Variants in FNDC3A observed in about 807,000 individuals in gnomAD.
The protein encoded by FNDC3A is fibronectin type-III domain-containing protein 3A.
Under a neutral mutation model 148.9 loss-of-function variants are expected in FNDC3A, and 32 were observed. That is an observed-to-expected ratio of 0.21 (90% CI 0.16 to 0.29). FNDC3A has a LOEUF of 0.29. FNDC3A is among the 10% of genes least tolerant of loss of function. FNDC3A has a pLI of 1.00. For missense variants in FNDC3A, 1,191 were observed against 1,452.8 expected (o/e 0.82, Z 2.93); for synonymous variants, 472 against 473.6 (o/e 1.00, Z 0.04).
At chr13:49,091,989 G>A (rs950813743) in intron 3 of FNDC3A, among the ~76,000 whole-genome samples, 1 of 152,236 alleles carries the variant, frequency 6.6e-6, no homozygotes, top group African/African-American at 2.4e-5. Context: ...AACGGGCCAA[G>A]AGCTGTCTCT....
At chr13:49,030,253 A>T (rs184212968) in intron 2 of FNDC3A, among the ~76,000 whole-genome samples, 1 of 152,342 alleles carries the variant, frequency 6.6e-6, no homozygotes, top group East Asian at 1.9e-4. Context: ...TACATAGAAC[A>T]ATCATTGTAA....
At chr13:49,037,599 T>C (rs374717835) in intron 2 of FNDC3A, among the ~76,000 whole-genome samples, 10 of 152,340 alleles carry the variant, frequency 6.6e-5, no homozygotes, top group East Asian at 3.9e-4. Flanking sequence ...AAAATTGATA[T>C]GTTGAAGTCC....
Position 49,207,360 on chromosome 13 carries a change from A to G in FNDC3A, c.3562A>G (p.Ile1188Val), listed in dbSNP as rs1886699683. ...GCTGTTTGCTTTCTTTTCCATTTTGATTGCCTTTATCATTCAGTACTTTGT... is the reference window on the plus strand; with the variant it reads ...GCTGTTTGCTTTCTTTTCCATTTTGGTTGCCTTTATCATTCAGTACTTTGT... Reference protein sequence around the residue: ...LVLFAFFSILIAFIIQYFVIK With the variant: ...LVLFAFFSILVAFIIQYFVIK Residue 1188 changes from isoleucine to valine, a missense_variant, in exon 26 of 26, where the codon ATT becomes GTT. Ile to Val is a conservative substitution (Grantham distance 29). Transcript: ENST00000492622. 7 of 1,612,036 alleles carry G rather than the reference A, an allele frequency of 4.3e-6. No homozygotes were observed. The highest frequency in any genetic ancestry group is 5.9e-6 in the Non-Finnish European group (7 of 1,178,152).
intron 19 of FNDC3A, among the ~76,000 whole-genome samples, chr13:49,193,030 T>TG (rs1244708636): frequency 6.6e-6 from 1 of 152,222 alleles, no homozygotes; most frequent in Non-Finnish European, 1.5e-5. Flanking sequence ...ACATTTGTCA[T>TG]GGAAAACTTT....
chr13:49,118,727 C>A (rs530193796), intron 4 of FNDC3A, among the ~76,000 whole-genome samples: 1 of 152,176 alleles, frequency 6.6e-6, no homozygotes, highest in East Asian at 1.9e-4. Flanking sequence ...GCAGTGTAAA[C>A]AAAGCCACCA....
At chr13:49,201,150 T>C (rs1158797138) in intron 23 of FNDC3A, 1 of 300,480 alleles carries the variant, frequency 3.3e-6, no homozygotes, top group East Asian at 9.5e-5. Context: ...CAATCAAAAA[T>C]AATGGGATGC....
intron 2 of FNDC3A, among the ~76,000 whole-genome samples, chr13:49,048,176 G>A (rs2137704925): frequency 6.6e-6 from 1 of 152,194 alleles, no homozygotes; most frequent in South Asian, 2.1e-4. Context: ...CCAGTACCAT[G>A]CTGTTTTGGT....
chr13:49,069,949 G>C lies in FNDC3A; in HGVS notation c.100-5340G>C, dbSNP rs1326159280. Among the ~76,000 whole-genome samples, 3 of 151,900 alleles carry C rather than the reference G, an allele frequency of 2.0e-5. No individual in the cohort carries two copies. In the East Asian group the frequency reaches 5.8e-4, roughly 29 times the overall value. On this transcript the variant is annotated intron_variant, in intron 2 of 25. Transcript: ENST00000492622. Reference sequence around the variant, plus strand: ...GCAAATTGTATTGGTTAACTCTCAAGGGAAAAAATACTTTTGAGTCTTCAG... The same window carrying C: ...GCAAATTGTATTGGTTAACTCTCAACGGAAAAAATACTTTTGAGTCTTCAG...
chr13:49,170,542 C>T (rs1279464409), intron 10 of FNDC3A, among the ~76,000 whole-genome samples: 2 of 152,094 alleles, frequency 1.3e-5, no homozygotes, highest in Non-Finnish European at 2.9e-5. Flanking sequence ...TGTCTTATTG[C>T]CAGTCCCCCA....
At chr13:49,063,651 G>A (rs191364193) in intron 2 of FNDC3A, among the ~76,000 whole-genome samples, 5 of 152,204 alleles carry the variant, frequency 3.3e-5, no homozygotes, top group African/African-American at 1.2e-4. Flanking sequence ...GAAGATAATG[G>A]GTGAGTCAGT....
chr13:48,984,252 C>T (rs535487264), intron 1 of FNDC3A, among the ~76,000 whole-genome samples: 2 of 152,240 alleles, frequency 1.3e-5, no homozygotes, highest in South Asian at 4.1e-4. Context: ...ACAGCTTTTA[C>T]TAAATTATTC....
intron 2 of FNDC3A, among the ~76,000 whole-genome samples, chr13:49,006,960 G>A (rs1171168418): frequency 2.6e-5 from 4 of 151,958 alleles, no homozygotes; most frequent in African/African-American, 7.2e-5. Flanking sequence ...AACAGTTTAG[G>A]TGCCCATTAT....
At chr13:49,021,282 T>G (rs146974741) in intron 2 of FNDC3A, among the ~76,000 whole-genome samples, 1 of 152,316 alleles carries the variant, frequency 6.6e-6, no homozygotes, top group East Asian at 1.9e-4. Flanking sequence ...TTTTCCCTAT[T>G]GTTATCCTCA....
intron 2 of FNDC3A, among the ~76,000 whole-genome samples, chr13:49,006,511 G>C (rs1258341727): frequency 6.6e-6 from 1 of 151,892 alleles, no homozygotes; most frequent in Non-Finnish European, 1.5e-5. Flanking sequence ...TGTATATTTA[G>C]TTGCCATTCA....
chr13:48,978,513 G>GT (rs949466866), intron 1 of FNDC3A, among the ~76,000 whole-genome samples: 185 of 146,554 alleles, frequency 1.3e-3, no homozygotes, highest in Non-Finnish European at 2.2e-3. Context: ...AACCAAAAAC[G>GT]TTTTTTTTTT....
rs1383363496 is a variant in FNDC3A at position 49,198,535 on chromosome 13, C to G, written c.2948C>G (p.Ser983Cys). The G allele has an allele frequency of 1.9e-6, 3 of 1,614,146 alleles. No homozygotes were observed. Among genetic ancestry groups the G allele is most frequent in the Non-Finnish European group, 2.5e-6 (3 of 1,179,960 alleles). The change falls in exon 23 of 26, where the codon TCT (serine) becomes TGT (cysteine). Residue 983 changes from serine (S) to cysteine (C), a missense_variant. Ser to Cys is a moderately radical substitution (Grantham distance 112). Transcript: ENST00000492622. ...EGTPKTLSTDSIQYHLQMEDK... is the reference protein window; with the variant it reads ...EGTPKTLSTDCIQYHLQMEDK... ...ACTCCAAAGACATTGTCAACCGATT[C>G]TATTCAGTACCACCTTCAGATGGAG...
intron 3 of FNDC3A, among the ~76,000 whole-genome samples, chr13:49,081,447 A>G (rs1878464136): frequency 1.3e-5 from 2 of 152,230 alleles, no homozygotes; most frequent in Non-Finnish European, 2.9e-5. Flanking sequence ...TTTGAGTTCA[A>G]ACTTTGCCAC....
rs1445043930 is a variant in FNDC3A, at chr13:49,207,602, T to G, written c.*207T>G. 2.3e-6 allele frequency: 1 copy of G among 444,410 alleles called. No individual in the cohort carries two copies. Among genetic ancestry groups the G allele is most frequent in the Non-Finnish European group, 4.0e-6 (1 of 251,404 alleles). 27.5% of individuals were successfully genotyped at this position (444,410 alleles called of 1,614,324 possible). On this transcript the variant is annotated 3_prime_UTR_variant, in exon 26 of 26. Transcript: ENST00000492622. ...GCCACAAAAATATCAATTTTGTTTTTTTTGTTAGGGTGGGTCTTCTTTTTT... is the reference window on the plus strand; with the variant it reads ...GCCACAAAAATATCAATTTTGTTTTGTTTGTTAGGGTGGGTCTTCTTTTTT...
At chr13:49,001,799 G>A (rs529387870) in intron 1 of FNDC3A, among the ~76,000 whole-genome samples, 3 of 152,240 alleles carry the variant, frequency 2.0e-5, no homozygotes, top group South Asian at 2.1e-4. Context: ...ATGACAGTGC[G>A]TGCCCGAAAC....
Sources: gnomAD v4.1 joint callset for allele counts (sites outside exome capture counted in the v4.1 genomes callset) on GRCh38, gnomAD v4.1.1 for gene constraint, MANE v1.5 for transcripts, NCBI Gene and HGNC (gene_info 2026-07-23, HGNC 2026-07-21) for gene names.